The following CCDC102B variants were observed in gnomAD, a reference collection of about 807,000 sequenced individuals.
The protein encoded by CCDC102B is coiled-coil domain-containing protein 102B.
CCDC102B carries 75 observed loss-of-function variants against 57.4 expected under a neutral mutation model. The ratio of observed to expected loss-of-function variants is 1.31; its 90% CI spans 1.08 to 1.58. CCDC102B has a LOEUF of 1.58. Ranked by LOEUF, CCDC102B falls within the 40% of genes most tolerant of loss-of-function variation. The pLI is 0.00. For synonymous variants in CCDC102B, 206 were observed against 201.9 expected (o/e 1.02, Z -0.17); for missense variants, 636 against 582.6 (o/e 1.09, Z -0.94).
intron 4 of CCDC102B, among the ~76,000 whole-genome samples, chr18:68,866,208 G>T (rs1355873750): frequency 6.6e-6 from 1 of 152,006 alleles, no homozygotes. Context: ...CATCCCAAAA[G>T]AAACTTTTTA....
At chr18:68,877,555 T>C (rs1222876773) in intron 5 of CCDC102B, among the ~76,000 whole-genome samples, 1 of 152,242 alleles carries the variant, frequency 6.6e-6, no homozygotes, top group Non-Finnish European at 1.5e-5. Context: ...ATTTCTTTCA[T>C]GTCAACATAT....
intron 7 of CCDC102B, among the ~76,000 whole-genome samples, chr18:69,041,033 T>C (rs2145472849): frequency 6.6e-6 from 1 of 152,152 alleles, no homozygotes; most frequent in African/African-American, 2.4e-5. Flanking sequence ...GGCTAGAGTG[T>C]TAGAGTAAAA....
Position 68,841,776 on chromosome 18 carries a change from A to T in CCDC102B, c.827+2850A>T, listed in dbSNP as rs546953895. Among the ~76,000 whole-genome samples, 4 of 152,094 alleles carry T rather than the reference A, an allele frequency of 2.6e-5. No individual in the cohort carries two copies. The South Asian group carries it at 8.3e-4, about 32-fold the overall frequency. ...TTGAGACAGTCTCGCTCTGTTGCCCAGGCTGAAGTGCAGTGGTGCAATGTA... is the reference window on the plus strand; with the variant it reads ...TTGAGACAGTCTCGCTCTGTTGCCCTGGCTGAAGTGCAGTGGTGCAATGTA... On this transcript the variant is annotated intron_variant, in intron 3 of 7. Coordinates refer to ENST00000360242, the MANE Select transcript of CCDC102B (RefSeq NM_024781.3).
chr18:68,801,872 A>G (rs1325085454), intron 1 of CCDC102B, among the ~76,000 whole-genome samples: 1 of 152,162 alleles, frequency 6.6e-6, no homozygotes, highest in Non-Finnish European at 1.5e-5. Flanking sequence ...CATTAGGTGA[A>G]AGATTACATT....
intron 2 of CCDC102B, among the ~76,000 whole-genome samples, chr18:68,785,240 G>C (rs2035159260): frequency 6.6e-6 from 1 of 151,772 alleles, no homozygotes; most frequent in South Asian, 2.1e-4. Flanking sequence ...TTGGACATTT[G>C]GGTTGGTTCC....
intron 6 of CCDC102B, among the ~76,000 whole-genome samples, chr18:68,917,839 C>T (rs7226679): frequency 0.92 from 139,730 of 152,172 alleles, 64,209 homozygotes; most frequent in East Asian, 0.99. Flanking sequence ...ATAATCAGTG[C>T]TTTTCAATTC....
intron 2 of CCDC102B, among the ~76,000 whole-genome samples, chr18:68,786,589 A>G (rs1297388768): frequency 7.1e-6 from 1 of 140,662 alleles, no homozygotes; most frequent in African/African-American, 2.7e-5. Flanking sequence ...CTTTGAAGCA[A>G]TTGTGAATGG....
intron 6 of CCDC102B, among the ~76,000 whole-genome samples, chr18:68,967,310 G>T (rs1310913086): frequency 6.6e-6 from 1 of 151,974 alleles, no homozygotes; most frequent in Admixed American, 6.6e-5. Context: ...AAAATAAATT[G>T]CCTAGTTAAT....
rs73967716 is a variant in CCDC102B at position 68,818,940 on chromosome 18, A to G, written c.-15-17809A>G. On this transcript the variant is annotated intron_variant, in intron 1 of 7. Coordinates refer to ENST00000360242, the MANE Select transcript of CCDC102B (RefSeq NM_024781.3). ...TTGTCTTTCATGAAGTACATCTTCA[A>G]GTTTTTAGCATGTTATTGAAAAATC... is the stretch of plus-strand genomic sequence containing the variant. 7.1e-3 allele frequency among the ~76,000 whole-genome samples: 1,077 copies of G among 152,178 alleles called. 8 individuals are homozygous for G. Among genetic ancestry groups the G allele is most frequent in the African/African-American group, 0.023 (971 of 41,544 alleles).
intron 4 of CCDC102B, among the ~76,000 whole-genome samples, chr18:68,863,870 G>A (rs373310347): frequency 5.9e-5 from 9 of 151,938 alleles, no homozygotes; most frequent in South Asian, 4.2e-4. Context: ...TACAATTGAC[G>A]TATTAGTAAT....
At chr18:68,966,283 G>T (rs1237533074) in intron 6 of CCDC102B, among the ~76,000 whole-genome samples, 1 of 152,072 alleles carries the variant, frequency 6.6e-6, no homozygotes, top group Non-Finnish European at 1.5e-5. Flanking sequence ...TCTGAGTCTT[G>T]TTCTGATGAC....
intron 5 of CCDC102B, among the ~76,000 whole-genome samples, chr18:68,880,238 G>A (rs2039635964): frequency 6.6e-6 from 1 of 152,238 alleles, no homozygotes; most frequent in African/African-American, 2.4e-5. Context: ...ACTGGCCCAG[G>A]TGCTAAGCCC....
At chr18:68,989,873 G>C (rs1281287326) in intron 6 of CCDC102B, among the ~76,000 whole-genome samples, 1 of 152,164 alleles carries the variant, frequency 6.6e-6, no homozygotes. Flanking sequence ...TCCGCTATCA[G>C]CTCCAATTCC....
At chr18:68,800,973 A>G (rs1045439314) in intron 1 of CCDC102B, among the ~76,000 whole-genome samples, 1 of 152,120 alleles carries the variant, frequency 6.6e-6, no homozygotes, top group Non-Finnish European at 1.5e-5. Flanking sequence ...TTTTTTTTCA[A>G]TGAAATAAAA....
intron 2 of CCDC102B, among the ~76,000 whole-genome samples, chr18:68,748,005 T>C (rs1171682285): frequency 6.6e-6 from 1 of 152,174 alleles, no homozygotes; most frequent in African/African-American, 2.4e-5. Flanking sequence ...GGTTCCATTA[T>C]CTCTATATGC....
At chr18:68,808,843 G>T (rs17079740) in intron 1 of CCDC102B, among the ~76,000 whole-genome samples, 15,346 of 152,044 alleles carry the variant, frequency 0.1, 969 homozygotes, top group East Asian at 0.3. Flanking sequence ...AAAATGATTG[G>T]TTTAATGCCT....
intron 2 of CCDC102B, among the ~76,000 whole-genome samples, chr18:68,751,876 A>T (rs2033863857): frequency 6.6e-6 from 1 of 152,224 alleles, no homozygotes. Context: ...TCAAAGCAGA[A>T]TAATTGAAAA....
Position 69,009,022 on chromosome 18 carries a change from C to T in CCDC102B, c.1264-1912C>T, listed in dbSNP as rs1036891510. ...AAAACAATGCTGAGACAAATATTCT[C>T]ATAATCACAACATTTCACACAGCTA... On this transcript the variant is annotated intron_variant, in intron 6 of 7. Coordinates refer to ENST00000360242, the MANE Select transcript of CCDC102B (RefSeq NM_024781.3). Among the ~76,000 whole-genome samples the T allele has an allele frequency of 2.6e-5, 4 of 152,272 alleles. No homozygotes were observed. The East Asian group carries it at 5.8e-4, about 22-fold the overall frequency.
At chr18:69,002,780 T>C (rs993905153) in intron 6 of CCDC102B, among the ~76,000 whole-genome samples, 1 of 152,214 alleles carries the variant, frequency 6.6e-6, no homozygotes, top group African/African-American at 2.4e-5. Flanking sequence ...CTCAATGTTT[T>C]CCTTTACTTT....
Sources: allele counts gnomAD v4.1 joint callset (sites outside exome capture counted in the v4.1 genomes callset), GRCh38; gene constraint gnomAD v4.1.1; transcripts MANE v1.5; gene names NCBI Gene and HGNC (gene_info 2026-07-23, HGNC 2026-07-21).